The following CELF2 variants were observed in gnomAD, a reference collection of about 807,000 sequenced individuals.
CELF2 encodes CUG triplet repeat RNA-binding protein 2.
CELF2 carries 8 observed loss-of-function variants against 62.6 expected under a neutral mutation model. That is an observed-to-expected ratio of 0.13 (90% CI 0.07 to 0.23). The LOEUF is 0.23. Ranked by LOEUF, CELF2 falls within the 10% of genes least tolerant of loss-of-function variation. The probability of loss-of-function intolerance (pLI) is 1.00; values close to 1 mark genes in which losing one functional copy is unlikely to be tolerated. For synonymous variants in CELF2, 258 were observed against 250.0 expected (o/e 1.03, Z -0.30); for missense variants, 333 against 671.0 (o/e 0.50, Z 5.56).
chr10:11,211,813 A>AGTGTGT lies in CELF2; in HGVS notation c.272-5575_272-5570dup, dbSNP rs869213973. Among the ~76,000 whole-genome samples, 315 of 89,352 alleles carry AGTGTGT rather than the reference A, an allele frequency of 3.5e-3. 1 individual carries two copies. The highest frequency in any genetic ancestry group is 5.8e-3 in the South Asian group (17 of 2,954). The allele number at this position is 89,352 out of a possible 152,430, so 58.6% of individuals were successfully genotyped here. A position where few individuals can be genotyped will look rare whatever the true frequency, so the allele number is the denominator to read the frequency against. ...GTGTGAGAGAGAGAGAGAGAGAGAG[A>AGTGTGT]GTGTGTGTGTGTGTGTGTGTGTGTG... On this transcript the variant is annotated intron_variant, in intron 2 of 12. Transcript: ENST00000633077. The surrounding 1 kb of genome is among the most constrained non-coding windows in gnomAD (Gnocchi z 4.8).
Position 11,010,155 on chromosome 10 carries a change from G to A in CELF2, c.53+4715G>A, listed in dbSNP as rs533801664. 2.0e-5 allele frequency: 3 copies of A among 152,330 alleles called. No individual in the cohort carries two copies. Among genetic ancestry groups the A allele is most frequent in the South Asian group, 2.1e-4 (1 of 4,814 alleles). The allele number at this position is 152,330 out of a possible 1,614,324, so 9.4% of individuals were successfully genotyped here. A position where few individuals can be genotyped will look rare whatever the true frequency, so the allele number is the denominator to read the frequency against. ...GCTCTCCTCTGGGCTCGATGAGAAG[G>A]CTGACCTGCTCATTTGGAGATGCCT... On this transcript the variant is annotated intron_variant, in intron 1 of 12. Transcript: ENST00000416382. This position sits in a 1 kb window ranked among gnomAD's most constrained non-coding sequence, Gnocchi z 4.1.
chr10:10,670,208 A>G, the CELF2 span, among the ~76,000 whole-genome samples: 3 of 152,060 alleles, frequency 2.0e-5, no homozygotes, highest in Non-Finnish European at 4.4e-5. Context: ...GGCCTCTTAC[A>G]TGCTTTAAAC....
intron 1 of CELF2, among the ~76,000 whole-genome samples, chr10:10,801,121 A>C (rs2054620843): frequency 6.6e-6 from 1 of 152,030 alleles, no homozygotes. Context: ...AACATGCCCC[A>C]AATTTAAGTG....
In CELF2 at chr10:11,321,976, G is replaced by C. The variant is rs893716215; in HGVS notation, c.1294+590G>C. On this transcript the variant is annotated intron_variant, in intron 11 of 12. Transcript: ENST00000633077. The surrounding 1 kb of genome is among the most constrained non-coding windows in gnomAD (Gnocchi z 6.2). ...ACTGCTCACCCCCTGCCATAATTAA[G>C]TTCTATAAACTATTAATTTCCCATA... 6.6e-6 allele frequency among the ~76,000 whole-genome samples: 1 copy of C among 152,134 alleles called. No homozygotes were observed. Among genetic ancestry groups the C allele is most frequent in the African/African-American group, 2.4e-5 (1 of 41,422 alleles).
At chr10:11,036,939 C>A (rs1331662110) in intron 1 of CELF2, among the ~76,000 whole-genome samples, 3 of 152,146 alleles carry the variant, frequency 2.0e-5, no homozygotes, top group Admixed American at 6.5e-5. Context: ...CCCTCCATGC[C>A]CCCTTTCTTC....
upstream of CELF2, chr10:10,794,914 G>T (rs2054053532): frequency 6.6e-6 from 1 of 152,158 alleles, no homozygotes; most frequent in Non-Finnish European, 1.5e-5. Context: ...TCTCTGCCAA[G>T]GTCTGAAAGA....
intron 2 of CELF2, among the ~76,000 whole-genome samples, chr10:11,189,173 C>G (rs2075733820): frequency 6.6e-6 from 1 of 152,150 alleles, no homozygotes; most frequent in African/African-American, 2.4e-5. Context: ...GGCACTATTC[C>G]AAGCCTTTCA....
intron 1 of CELF2, among the ~76,000 whole-genome samples, chr10:11,025,233 G>GTATATA (rs765655486): frequency 2.3e-5 from 1 of 43,612 alleles, no homozygotes; most frequent in Non-Finnish European, 9.1e-5. Flanking sequence ...GTGTGTGTGT[G>GTATATA]TGTGTGTATA....
chr10:10,627,045 C>A, the CELF2 span, among the ~76,000 whole-genome samples: 1 of 151,822 alleles, frequency 6.6e-6, no homozygotes, highest in East Asian at 1.9e-4. Context: ...GCTGCTGTAA[C>A]GAAAGAAGAA....
At chr10:10,478,095 T>C in the CELF2 span, among the ~76,000 whole-genome samples, 2 of 152,278 alleles carry the variant, frequency 1.3e-5, no homozygotes, top group East Asian at 1.9e-4. Context: ...TTACATACCC[T>C]TCCAGGAAAA....
At chr10:10,721,765 G>C in the CELF2 span, among the ~76,000 whole-genome samples, 16 of 152,062 alleles carry the variant, frequency 1.1e-4, no homozygotes, top group Admixed American at 5.9e-4. Context: ...CAGCACATTG[G>C]GGGTCTATAG....
chr10:10,826,347 G>T (rs1224680497), intron 1 of CELF2, among the ~76,000 whole-genome samples: 1 of 152,142 alleles, frequency 6.6e-6, no homozygotes, highest in Non-Finnish European at 1.5e-5. Flanking sequence ...GTATACCACT[G>T]TCCATGACTC....
chr10:11,276,490 A>G (rs892404948), intron 8 of CELF2, among the ~76,000 whole-genome samples: 3 of 152,360 alleles, frequency 2.0e-5, no homozygotes, highest in African/African-American at 2.4e-5. Flanking sequence ...TTTTAATTCT[A>G]TGAAAGGAGC....
the CELF2 span, chr10:10,784,490 T>G: frequency 2.6e-5 from 4 of 152,390 alleles, no homozygotes; most frequent in African/African-American, 9.7e-5. Flanking sequence ...CTTGGTGAGA[T>G]GGATGGGGAG....
At chr10:10,869,764 C>T (rs565954193) in intron 1 of CELF2, among the ~76,000 whole-genome samples, 109 of 152,296 alleles carry the variant, frequency 7.2e-4, no homozygotes, top group African/African-American at 2.5e-3. Flanking sequence ...ATGTTGCATT[C>T]TCTCTTCACG....
chr10:10,911,451 T>C (rs1435661690), intron 1 of CELF2, among the ~76,000 whole-genome samples: 1 of 152,230 alleles, frequency 6.6e-6, no homozygotes, highest in Admixed American at 6.5e-5. Context: ...AGAGGCTGTA[T>C]GTGTCAGTGA....
At chr10:10,632,561 A>G in the CELF2 span, among the ~76,000 whole-genome samples, 5 of 152,288 alleles carry the variant, frequency 3.3e-5, no homozygotes, top group African/African-American at 1.2e-4. Context: ...GTGAACAAGA[A>G]ACCCTCAAGG....
chr10:10,559,352 T>C, the CELF2 span, among the ~76,000 whole-genome samples: 3 of 152,230 alleles, frequency 2.0e-5, no homozygotes, highest in Admixed American at 1.3e-4. Flanking sequence ...CATGTGACCA[T>C]AGGCAAGTTA....
At chr10:10,535,005 A>G in the CELF2 span, among the ~76,000 whole-genome samples, 1 of 152,374 alleles carries the variant, frequency 6.6e-6, no homozygotes, top group African/African-American at 2.4e-5. Flanking sequence ...TTCTGTCATT[A>G]AAATCCCATT....
Sources: allele counts gnomAD v4.1 joint callset (sites outside exome capture counted in the v4.1 genomes callset), GRCh38; gene constraint gnomAD v4.1.1; non-coding constraint Gnocchi (gnomAD v3.1); transcripts MANE v1.5; gene names NCBI Gene and HGNC (gene_info 2026-07-23, HGNC 2026-07-21).